WWP1: variants seen among roughly 807,000 people sequenced by gnomAD.
The protein encoded by WWP1 is WW domain containing E3 ubiquitin protein ligase 1.
WWP1 carries 49 observed loss-of-function variants against 130.6 expected under a neutral mutation model. The observed-to-expected ratio is 0.38, with a 90% CI of 0.30 to 0.48. The LOEUF is 0.48. WWP1 is among the 20% of genes least tolerant of loss of function. The pLI, the probability that WWP1 is intolerant of heterozygous loss-of-function variation, is 0.99. For synonymous variants in WWP1, 332 were observed against 367.8 expected (o/e 0.90, Z 1.11); for missense variants, 809 against 1,100.6 (o/e 0.74, Z 3.75).
chr8:86,394,637 T>C (rs893661095), intron 5 of WWP1, among the ~76,000 whole-genome samples: 3 of 152,206 alleles, frequency 2.0e-5, no homozygotes, highest in Non-Finnish European at 4.4e-5. Flanking sequence ...TGGCACACCG[T>C]AGGCACTCAA....
intron 9 of WWP1, among the ~76,000 whole-genome samples, chr8:86,413,972 G>A (rs1357496797): frequency 6.6e-6 from 1 of 152,150 alleles, no homozygotes; most frequent in East Asian, 1.9e-4. Flanking sequence ...GTTCAAAACA[G>A]TAAGTACATA....
chr8:86,431,208 T>TA, intron 12 of WWP1, among the ~76,000 whole-genome samples, 198 bp from the exon 13 acceptor site: 1 of 141,018 alleles, frequency 7.1e-6, no homozygotes, highest in Admixed American at 7.3e-5. Flanking sequence ...TATTATATTC[T>TA]CTATAATATA....
At chr8:86,395,091 T>C (rs539085650) in intron 5 of WWP1, among the ~76,000 whole-genome samples, 1 of 152,252 alleles carries the variant, frequency 6.6e-6, no homozygotes, top group South Asian at 2.1e-4. Context: ...TGAACTCCTC[T>C]AGTCTACACT....
chr8:86,467,025 C>A lies in WWP1; in HGVS notation c.*132C>A, dbSNP rs756151238. On this transcript the variant is annotated 3_prime_UTR_variant, in exon 25 of 25. Transcript: ENST00000517970. ...AACCTCTCAAAGTATGTTTTCCGTTCTTCCACAGAAATATGCAAAACAGTT... is the reference window on the plus strand; with the variant it reads ...AACCTCTCAAAGTATGTTTTCCGTTATTCCACAGAAATATGCAAAACAGTT... 4.5e-6 allele frequency: 3 copies of A among 668,696 alleles called. No homozygotes were observed. In the South Asian group the frequency reaches 5.6e-5, roughly 13 times the overall value. The allele number at this position is 668,696 out of a possible 1,614,324, so 41.4% of individuals were successfully genotyped here. A position where few individuals can be genotyped will look rare whatever the true frequency, so the allele number is the denominator to read the frequency against.
At chr8:86,356,032 A>G (rs540116352) in intron 1 of WWP1, among the ~76,000 whole-genome samples, 9 of 152,356 alleles carry the variant, frequency 5.9e-5, no homozygotes, top group Admixed American at 4.6e-4. Flanking sequence ...GGGACTAATA[A>G]TGATGACTCT....
intron 10 of WWP1, 105 bp downstream of exon 10, chr8:86,425,423 C>A (rs1044953781): frequency 1.4e-6 from 1 of 722,516 alleles, no homozygotes; most frequent in South Asian, 2.8e-5. Flanking sequence ...TGCATATATT[C>A]AATTTCTTTA....
intron 5 of WWP1, among the ~76,000 whole-genome samples, chr8:86,383,517 G>A (rs1178728173): frequency 2.0e-5 from 3 of 152,162 alleles, no homozygotes; most frequent in East Asian, 1.9e-4. Flanking sequence ...TGAGGCAGGC[G>A]GATCACCTGA....
chr8:86,372,224 G>A lies in WWP1; in HGVS notation c.-21-1806G>A, dbSNP rs573847226. On this transcript the variant is annotated intron_variant, in intron 2 of 24. Transcript: ENST00000517970. ...TTTTTAGTAGAGACGGGGTTTCACC[G>A]TGTTACCCAGGATGGTCTCGATCTC... is the stretch of plus-strand genomic sequence containing the variant. 7.3e-5 allele frequency among the ~76,000 whole-genome samples: 11 copies of A among 151,540 alleles called. No homozygotes were observed. In the East Asian group the frequency reaches 1.2e-3, roughly 16 times the overall value.
At chr8:86,396,103 TC>T (rs1307342859) in intron 5 of WWP1, among the ~76,000 whole-genome samples, 1 of 150,350 alleles carries the variant, frequency 6.7e-6, no homozygotes, top group Non-Finnish European at 1.5e-5. Flanking sequence ...TTTGTAGTTT[TC>T]TTTTTTTTTT....
At chr8:86,412,572 C>T (rs1057320748) in intron 9 of WWP1, among the ~76,000 whole-genome samples, 3 of 152,138 alleles carry the variant, frequency 2.0e-5, no homozygotes, top group African/African-American at 7.2e-5. Context: ...TATATGGACA[C>T]GTGCTTTCCA....
At chr8:86,452,855 A>G (rs1811247762) in intron 21 of WWP1, among the ~76,000 whole-genome samples, 176 bp downstream of exon 21, 1 of 152,164 alleles carries the variant, frequency 6.6e-6, no homozygotes, top group Non-Finnish European at 1.5e-5. Context: ...AGTCTTAATT[A>G]TGTTCTCTGA....
intron 8 of WWP1, among the ~76,000 whole-genome samples, chr8:86,403,970 G>C (rs1331825758): frequency 6.6e-6 from 1 of 152,108 alleles, no homozygotes; most frequent in South Asian, 2.1e-4. Flanking sequence ...TATTGTCTTG[G>C]ATTATTCAGA....
chr8:86,455,527 G>A (rs1473533752), intron 21 of WWP1, among the ~76,000 whole-genome samples: 1 of 151,962 alleles, frequency 6.6e-6, no homozygotes, highest in South Asian at 2.1e-4. Context: ...TTATGTATTA[G>A]CAACAGACAC....
At chr8:86,461,738 G>C (rs768867275) in intron 23 of WWP1, 36 bp from the exon 24 acceptor site, 1 of 1,565,978 alleles carries the variant, frequency 6.4e-7, no homozygotes, top group East Asian at 2.2e-5. Context: ...AAAGTTTAAA[G>C]GACCAGATAA....
At chr8:86,427,969 T>C (rs1317631894) in intron 11 of WWP1, 152 bp downstream of exon 11, 4 of 590,140 alleles carry the variant, frequency 6.8e-6, no homozygotes, top group African/African-American at 5.7e-5. Context: ...TTTTAGTTAA[T>C]CTTTAATAAA....
In WWP1 at chr8:86,380,777, A is replaced by G; in HGVS notation, c.122A>G (p.Tyr41Cys). 1.2e-6 allele frequency: 2 copies of G among 1,613,266 alleles called. No homozygotes were observed. Among genetic ancestry groups the G allele is most frequent in the South Asian group, 1.1e-5 (1 of 90,908 alleles). The change falls in exon 4 of 25, where the codon TAT becomes TGT. Residue 41 changes from tyrosine (Y) to cysteine (C), a missense_variant. Transcript: ENST00000517970. ...AAGAACTGGTTCGGAACAGCAATAT[A>G]TACAGAAGTAGTTGTAGATGGAGAA... ...RKKNWFGTAI[Y>C]TEVVVDGEIT...
intron 1 of WWP1, among the ~76,000 whole-genome samples, chr8:86,367,674 A>C (rs912407964): frequency 6.6e-6 from 1 of 152,154 alleles, no homozygotes; most frequent in African/African-American, 2.4e-5. Flanking sequence ...TATGACCTAA[A>C]ACTCAGACTT....
At chr8:86,400,263 C>T (rs1381272200) in intron 7 of WWP1, among the ~76,000 whole-genome samples, 4 of 151,360 alleles carry the variant, frequency 2.6e-5, no homozygotes, top group Non-Finnish European at 4.4e-5. Context: ...ACCCGGGAGG[C>T]GGAGGTTGCA....
rs573192257 is a variant in WWP1, at chr8:86,466,999, G to A, written c.*106G>A. On this transcript the variant is annotated 3_prime_UTR_variant, in exon 25 of 25. Transcript: ENST00000517970. The stretch of plus-strand genomic sequence containing the variant: ...GTTCATTCTGTACAGTGAATTTTCC[G>A]AACCTCTCAAAGTATGTTTTCCGTT... 12 of 762,742 alleles carry A rather than the reference G, an allele frequency of 1.6e-5. No homozygotes were observed. Among genetic ancestry groups the A allele is most frequent in the East Asian group, 5.8e-5 (2 of 34,582 alleles). 47.2% of individuals were successfully genotyped at this position (762,742 alleles called of 1,614,324 possible). A position where few individuals can be genotyped will look rare whatever the true frequency, so the allele number is the denominator to read the frequency against.
Sources: gnomAD v4.1 joint callset for allele counts (sites outside exome capture counted in the v4.1 genomes callset) on GRCh38, gnomAD v4.1.1 for gene constraint, MANE v1.5 for transcripts, NCBI Gene and HGNC (gene_info 2026-07-23, HGNC 2026-07-21) for gene names.